Variants in CFAP54 observed in about 807,000 individuals in gnomAD.
CFAP54 encodes cilia and flagella associated protein 54, also known as cilia- and flagella-associated protein 54.
CFAP54 carries 290 observed loss-of-function variants against 370.4 expected under a neutral mutation model. The ratio of observed to expected loss-of-function variants is 0.78; its 90% CI spans 0.71 to 0.86. The LOEUF (loss-of-function observed/expected upper bound fraction) is 0.86. CFAP54 is among the 40% of genes least tolerant of loss of function. The pLI is 0.00. For synonymous variants in CFAP54, 1,206 were observed against 1,236.5 expected, an observed-to-expected ratio of 0.98 and a Z score of 0.52; for missense variants, 3,399 against 3,528.7, an observed-to-expected ratio of 0.96 and a Z score of 0.93.
rs1276839826 is a variant in CFAP54, at chr12:96,842,809, CATCTTATTA to C, written c.9171+13724_9171+13732del. On this transcript the variant is annotated intron_variant, in intron 66 of 67. Coordinates refer to ENST00000524981, the MANE Select transcript of CFAP54 (RefSeq NM_001306084.2). The stretch of plus-strand genomic sequence containing the variant: ...TTTCTTGCCCTTTGCTTCTCTACAT[CATCTTATTA>C]ATATTAACTGACAAAGGCTAATTGT... 2.0e-5 allele frequency among the ~76,000 whole-genome samples: 3 copies of C among 152,132 alleles called. No individual in the cohort carries two copies. The East Asian group carries it at 5.8e-4, about 29-fold the overall frequency.
intron 26 of CFAP54, among the ~76,000 whole-genome samples, chr12:96,601,996 T>G (rs768246667): frequency 6.6e-6 from 1 of 152,226 alleles, no homozygotes; most frequent in Non-Finnish European, 1.5e-5. Context: ...TGTCTTCTGC[T>G]AGCTTTTGAA....
chr12:96,709,700 G>GA (rs1222314189), intron 48 of CFAP54, among the ~76,000 whole-genome samples: 1 of 91,582 alleles, frequency 1.1e-5, no homozygotes, highest in East Asian at 4.4e-4. Context: ...CTTGATCATG[G>GA]TTTATTATTA....
rs1955216036 is a variant in CFAP54 at position 96,515,113 on chromosome 12, T to C, written c.798+2069T>C. 2.0e-5 allele frequency among the ~76,000 whole-genome samples: 3 copies of C among 151,892 alleles called. No individual in the cohort carries two copies. In the South Asian group the frequency reaches 6.2e-4, roughly 32 times the overall value. ...AGCTCTGCCTCCTGGGTTCAAGTGATTCTCCTGCCACAGCCCCCTGAGTAG... is the reference window on the plus strand; with the variant it reads ...AGCTCTGCCTCCTGGGTTCAAGTGACTCTCCTGCCACAGCCCCCTGAGTAG... On this transcript the variant is annotated intron_variant, in intron 5 of 67. Coordinates refer to ENST00000524981, the MANE Select transcript of CFAP54 (RefSeq NM_001306084.2).
chr12:96,760,365 C>T (rs74935160), intron 58 of CFAP54, among the ~76,000 whole-genome samples: 85 of 152,292 alleles, frequency 5.6e-4, no homozygotes, highest in African/African-American at 2.0e-3. Context: ...AGTTGTTCAA[C>T]AATCACCACT....
rs1347905962 is a variant in CFAP54 at position 96,580,661 on chromosome 12, A to G, written c.2861A>G (p.Asn954Ser). 2.6e-6 allele frequency: 4 copies of G among 1,527,574 alleles called. No individual in the cohort carries two copies. Among genetic ancestry groups the G allele is most frequent in the African/African-American group, 1.4e-5 (1 of 72,776 alleles). 94.6% of individuals were successfully genotyped at this position (1,527,574 alleles called of 1,614,324 possible). A position where few individuals can be genotyped will look rare whatever the true frequency, so the allele number is the denominator to read the frequency against. ...EGSYGKVRLN[N>S]NHLPNSGEAI... The stretch of plus-strand genomic sequence containing the variant: ...AGTTATGGAAAAGTACGGCTAAACA[A>G]TAATCATCTCCCAAATTCAGGAGAA... Residue 954 changes from asparagine (N) to serine (S), a missense_variant, in exon 21 of 68, where the codon AAT becomes AGT. Physicochemically the swap from Asn to Ser is conservative, Grantham distance 46 (BLOSUM62 1). This residue lies in a region of CFAP54 where 2,796 missense variants were observed against 2,869.7 expected (regional missense o/e 0.97). Coordinates refer to ENST00000524981, the MANE Select transcript of CFAP54 (RefSeq NM_001306084.2).
At chr12:96,755,733 T>G (rs562354958) in intron 56 of CFAP54, among the ~76,000 whole-genome samples, 2 of 150,190 alleles carry the variant, frequency 1.3e-5, no homozygotes, top group South Asian at 4.3e-4. Flanking sequence ...AGTGGTGTGA[T>G]CTCGGCTCAC....
intron 66 of CFAP54, among the ~76,000 whole-genome samples, chr12:96,830,609 A>G (rs1266701414): frequency 6.6e-6 from 1 of 152,162 alleles, no homozygotes; most frequent in Non-Finnish European, 1.5e-5. Flanking sequence ...TGGCACCAAC[A>G]TTTCTCTCCT....
At chr12:96,828,651 C>T (rs1959154970) in intron 65 of CFAP54, among the ~76,000 whole-genome samples, 1 of 152,134 alleles carries the variant, frequency 6.6e-6, no homozygotes, top group South Asian at 2.1e-4. Flanking sequence ...GCTATTGACT[C>T]TCTTCCTTTT....
chr12:96,646,999 G>A (rs898793338), intron 33 of CFAP54: 2 of 152,208 alleles, frequency 1.3e-5, no homozygotes, highest in South Asian at 2.1e-4. Flanking sequence ...TATACCTAAT[G>A]TTAAATGACG....
At chr12:96,597,073 G>A (rs1174425141) in intron 25 of CFAP54, among the ~76,000 whole-genome samples, 1 of 151,962 alleles carries the variant, frequency 6.6e-6, no homozygotes, top group Non-Finnish European at 1.5e-5. Flanking sequence ...TTGAATTTTG[G>A]TAAAGTAATT....
chr12:96,544,152 A>G (rs535003469), intron 14 of CFAP54, among the ~76,000 whole-genome samples: 1 of 151,020 alleles, frequency 6.6e-6, no homozygotes, highest in East Asian at 2.0e-4. Flanking sequence ...TAAACCATCA[A>G]TGAACACATA....
chr12:96,535,408 C>A, intron 11 of CFAP54, 107 bp from the exon 12 acceptor site: 1 of 677,894 alleles, frequency 1.5e-6, no homozygotes, highest in South Asian at 1.7e-5. Context: ...ATTTGCCCGC[C>A]TATCATTTGT....
chr12:96,755,855 A>G (rs1449864823), intron 56 of CFAP54, among the ~76,000 whole-genome samples: 1 of 151,702 alleles, frequency 6.6e-6, no homozygotes, highest in African/African-American at 2.4e-5. Context: ...TTTAGTAGAG[A>G]TGGCGTTTCA....
At chr12:96,778,099 A>C (rs978285579) in intron 60 of CFAP54, among the ~76,000 whole-genome samples, 7 of 152,250 alleles carry the variant, frequency 4.6e-5, no homozygotes, top group Admixed American at 1.3e-4. Flanking sequence ...TCTGCAGATG[A>C]GTTATGAACT....
intron 50 of CFAP54, 53 bp downstream of exon 50, chr12:96,720,618 C>G (rs956242388): frequency 2.1e-5 from 26 of 1,264,450 alleles, no homozygotes; most frequent in Middle Eastern, 5.9e-4. Context: ...GTTCCTTCAC[C>G]CTAGTTTATT....
intron 36 of CFAP54, among the ~76,000 whole-genome samples, chr12:96,653,789 T>C (rs1347182384): frequency 6.6e-6 from 1 of 151,302 alleles, no homozygotes. Flanking sequence ...ATCAATTAGA[T>C]AAATATAAAG....
At chr12:96,685,451 A>G (rs554955183) in intron 42 of CFAP54, among the ~76,000 whole-genome samples, 6 of 152,280 alleles carry the variant, frequency 3.9e-5, no homozygotes, top group Non-Finnish European at 7.4e-5. Flanking sequence ...GCCCCAAAAT[A>G]TCAGTGTCAC....
intron 63 of CFAP54, among the ~76,000 whole-genome samples, chr12:96,796,764 A>G (rs933198953): frequency 7.5e-4 from 114 of 152,232 alleles, no homozygotes; most frequent in African/African-American, 2.6e-3. Context: ...AATCTATTTA[A>G]TGTGTTTGTA....
intron 5 of CFAP54, among the ~76,000 whole-genome samples, chr12:96,514,993 C>G (rs1336227871): frequency 6.6e-6 from 1 of 150,826 alleles, no homozygotes; most frequent in African/African-American, 2.4e-5. Flanking sequence ...TAAAATGACA[C>G]TAAAATGAGT....
Sources: gnomAD v4.1 joint callset for allele counts (sites outside exome capture counted in the v4.1 genomes callset) on GRCh38, gnomAD v4.1.1 for gene constraint, gnomAD v4.1.1 regional missense constraint, MANE v1.5 for transcripts, NCBI Gene and HGNC (gene_info 2026-07-23, HGNC 2026-07-21) for gene names.